Variants in ZFHX3 observed in about 807,000 individuals in gnomAD.
The protein encoded by ZFHX3 is zinc finger homeobox protein 3.
Under a neutral mutation model 279.1 loss-of-function variants are expected in ZFHX3, and 42 were observed. The ratio of observed to expected loss-of-function variants is 0.15; its 90% CI spans 0.12 to 0.19. ZFHX3 has a LOEUF of 0.19. ZFHX3 is among the 10% of genes least tolerant of loss of function. ZFHX3 has a pLI of 1.00. For synonymous variants in ZFHX3, 2,293 were observed against 1,957.8 expected (o/e 1.17, Z -4.52); for missense variants, 4,981 against 4,754.0 (o/e 1.05, Z -1.40).
intron 1 of ZFHX3, among the ~76,000 whole-genome samples, chr16:73,034,835 C>T (rs1314261094): frequency 6.6e-6 from 1 of 152,184 alleles, no homozygotes; most frequent in Non-Finnish European, 1.5e-5. Flanking sequence ...CACTGGCACC[C>T]CAATGTCACA....
chr16:73,157,139 A>G (rs1967107393), intron 5 of ZFHX3, among the ~76,000 whole-genome samples: 1 of 152,140 alleles, frequency 6.6e-6, no homozygotes, highest in African/African-American at 2.4e-5. Flanking sequence ...AGGAGGGAGG[A>G]CAAGTCATGA....
chr16:73,675,026 G>A (rs995563092), intron 2 of ZFHX3, among the ~76,000 whole-genome samples: 2 of 152,146 alleles, frequency 1.3e-5, no homozygotes, highest in African/African-American at 4.8e-5. Flanking sequence ...GGACACAGAA[G>A]CAAGCCAGCT....
chr16:72,886,145 G>A (rs566542347), intron 4 of ZFHX3, among the ~76,000 whole-genome samples: 1 of 152,276 alleles, frequency 6.6e-6, no homozygotes, highest in South Asian at 2.1e-4. Flanking sequence ...TCTTAAAGTG[G>A]TTCCTAAAAC....
intron 3 of ZFHX3, among the ~76,000 whole-genome samples, chr16:72,894,399 T>A (rs1231637985): frequency 3.3e-5 from 5 of 152,140 alleles, no homozygotes; most frequent in Non-Finnish European, 7.4e-5. Flanking sequence ...ATTCGGCCAT[T>A]TCCTAGGCCC....
intron 1 of ZFHX3, among the ~76,000 whole-genome samples, chr16:73,697,349 C>T (rs1002707139): frequency 4.6e-5 from 7 of 151,826 alleles, no homozygotes; most frequent in African/African-American, 1.7e-4. Context: ...GTCATAAATT[C>T]AGGTATAAAG....
intron 2 of ZFHX3, chr16:73,487,472 C>T (rs1177051381): frequency 4.5e-6 from 2 of 440,236 alleles, no homozygotes; most frequent in Admixed American, 5.0e-5. Context: ...ATGATTATGG[C>T]TCCTTGCAGC....
intron 2 of ZFHX3, among the ~76,000 whole-genome samples, chr16:73,559,634 T>C (rs991682627): frequency 7.2e-5 from 11 of 152,212 alleles, no homozygotes; most frequent in African/African-American, 1.9e-4. Context: ...ATCTGCCCTT[T>C]CACACACGCT....
At chr16:73,679,899 C>G (rs182064571) in intron 2 of ZFHX3, 2 of 152,276 alleles carry the variant, frequency 1.3e-5, no homozygotes, top group African/African-American at 2.4e-5. Flanking sequence ...TTCATTTTTT[C>G]CAGACCAAAT....
At chr16:73,236,464 T>A (rs2012952452) in intron 5 of ZFHX3, among the ~76,000 whole-genome samples, 1 of 152,076 alleles carries the variant, frequency 6.6e-6, no homozygotes, top group South Asian at 2.1e-4. Context: ...GTGGCACATG[T>A]CTGTAATCCC....
At chr16:73,455,507 G>C (rs1035157490) in intron 3 of ZFHX3, among the ~76,000 whole-genome samples, 1 of 152,160 alleles carries the variant, frequency 6.6e-6, no homozygotes, top group Non-Finnish European at 1.5e-5. Context: ...TGATGCTGAA[G>C]AGAGACCCAG....
intron 7 of ZFHX3, chr16:72,807,908 C>T (rs2143557836): frequency 6.6e-6 from 1 of 152,296 alleles, no homozygotes; most frequent in South Asian, 2.1e-4. Context: ...ACAAAGCAGA[C>T]ATAACTTCCT....
chr16:73,771,864 T>A (rs2054021860), intron 1 of ZFHX3, among the ~76,000 whole-genome samples: 1 of 150,670 alleles, frequency 6.6e-6, no homozygotes, highest in Non-Finnish European at 1.5e-5. Context: ...AATCCTTTTC[T>A]CTCATTGATA....
At chr16:73,155,771 C>T (rs949755307) in intron 5 of ZFHX3, among the ~76,000 whole-genome samples, 2 of 151,722 alleles carry the variant, frequency 1.3e-5, no homozygotes, top group African/African-American at 4.8e-5. Context: ...CACAGTGAGC[C>T]GAGATCGCGC....
chr16:73,277,517 A>G (rs756980153), intron 4 of ZFHX3, among the ~76,000 whole-genome samples: 1 of 152,074 alleles, frequency 6.6e-6, no homozygotes, highest in Non-Finnish European at 1.5e-5. Context: ...GAGGAGAACA[A>G]CTCCCCAAAT....
intron 4 of ZFHX3, among the ~76,000 whole-genome samples, chr16:73,311,607 AAAAAAG>A (rs58506590): frequency 0.19 from 25,002 of 134,434 alleles, 2,910 homozygotes; most frequent in East Asian, 0.25. Flanking sequence ...AAAAAAAAAA[AAAAAAG>A]AAGTCACCAA....
At chr16:73,604,260 A>G (rs566168714) in intron 2 of ZFHX3, among the ~76,000 whole-genome samples, 81 of 151,618 alleles carry the variant, frequency 5.3e-4, no homozygotes, top group African/African-American at 1.8e-3. Flanking sequence ...TTTTTCCCCC[A>G]TTTTTTCCCC....
At chr16:73,758,958 G>T (rs764353977) in intron 1 of ZFHX3, among the ~76,000 whole-genome samples, 6 of 152,190 alleles carry the variant, frequency 3.9e-5, no homozygotes, top group Admixed American at 1.3e-4. Context: ...AGCCATAGAT[G>T]TGGGTGGTGC....
chr16:73,102,610 T>C (rs1212481329), intron 7 of ZFHX3, among the ~76,000 whole-genome samples: 3 of 152,224 alleles, frequency 2.0e-5, no homozygotes, highest in Non-Finnish European at 4.4e-5. Context: ...CTTTCTGTCC[T>C]TGGTATTGCT....
chr16:73,556,427 T>A (rs568073262), intron 2 of ZFHX3, among the ~76,000 whole-genome samples: 2 of 152,286 alleles, frequency 1.3e-5, no homozygotes, highest in South Asian at 4.1e-4. Flanking sequence ...TTATCTCCAA[T>A]TACTTCAAAA....
Sources: allele counts gnomAD v4.1 joint callset (sites outside exome capture counted in the v4.1 genomes callset), GRCh38; gene constraint gnomAD v4.1.1; transcripts MANE v1.5; gene names NCBI Gene and HGNC (gene_info 2026-07-23, HGNC 2026-07-21).